The following ARB2A variants were observed in gnomAD, a reference collection of about 807,000 sequenced individuals.
ARB2A encodes cotranscriptional regulator ARB2A.
chr5:94,094,993 G>A, the ARB2A span, among the ~76,000 whole-genome samples: 1 of 152,290 alleles, frequency 6.6e-6, no homozygotes, highest in African/African-American at 2.4e-5. Context: ...TCATGATCAC[G>A]TCATTCTCCT....
At chr5:93,679,416 T>C in the ARB2A span, among the ~76,000 whole-genome samples, 19 of 152,262 alleles carry the variant, frequency 1.2e-4, 1 homozygote, top group South Asian at 3.9e-3. Context: ...CTTCGATTTT[T>C]CACTTGGCCA....
At chr5:93,777,094 G>GT in the ARB2A span, among the ~76,000 whole-genome samples, 1 of 146,870 alleles carries the variant, frequency 6.8e-6, no homozygotes, top group South Asian at 2.2e-4. Context: ...AATGAAGGCT[G>GT]TATCAAAATA....
At chr5:93,829,560 G>C in the ARB2A span, among the ~76,000 whole-genome samples, 1 of 152,102 alleles carries the variant, frequency 6.6e-6, no homozygotes, top group Admixed American at 6.5e-5. Context: ...AATTCTTGAG[G>C]CCAAGAACTA....
chr5:93,750,033 T>C, the ARB2A span, among the ~76,000 whole-genome samples: 1 of 152,130 alleles, frequency 6.6e-6, no homozygotes, highest in Non-Finnish European at 1.5e-5. Context: ...GTGAGCTCTT[T>C]GAGGGCAGAA....
chr5:93,734,589 A>G, the ARB2A span: 2 of 152,328 alleles, frequency 1.3e-5, no homozygotes, highest in East Asian at 3.9e-4. Context: ...CAAGATAACC[A>G]AAATGTTTGA....
the ARB2A span, among the ~76,000 whole-genome samples, chr5:94,081,651 C>A: frequency 7.2e-5 from 11 of 152,024 alleles, no homozygotes; most frequent in Non-Finnish European, 1.5e-5. Flanking sequence ...ACAGGTAAAT[C>A]CATAGAAATA....
At chr5:94,014,786 T>C in the ARB2A span, among the ~76,000 whole-genome samples, 1 of 149,010 alleles carries the variant, frequency 6.7e-6, no homozygotes, top group Non-Finnish European at 1.5e-5. Context: ...AACAGCAAAA[T>C]GGAACAATGA....
the ARB2A span, among the ~76,000 whole-genome samples, chr5:93,956,670 C>A: frequency 6.6e-6 from 1 of 150,878 alleles, no homozygotes; most frequent in Non-Finnish European, 1.5e-5. Context: ...CAGAGCTAGC[C>A]TAATTTAAAA....
chr5:93,763,774 C>T, the ARB2A span, among the ~76,000 whole-genome samples: 3 of 152,120 alleles, frequency 2.0e-5, no homozygotes, highest in African/African-American at 7.2e-5. Flanking sequence ...CACACCTATT[C>T]CAAAATTCAC....
the ARB2A span, among the ~76,000 whole-genome samples, chr5:93,814,816 T>C: frequency 2.0e-5 from 3 of 152,332 alleles, no homozygotes; most frequent in South Asian, 6.2e-4. Flanking sequence ...TAATATTCAG[T>C]CTTAACTCCA....
the ARB2A span, among the ~76,000 whole-genome samples, chr5:93,895,912 A>G: frequency 2.6e-5 from 4 of 151,952 alleles, no homozygotes; most frequent in African/African-American, 9.7e-5. Flanking sequence ...AAATTAACAA[A>G]ATAAAATAAC....
chr5:93,659,698 T>C, the ARB2A span, among the ~76,000 whole-genome samples: 6 of 152,132 alleles, frequency 3.9e-5, no homozygotes, highest in Non-Finnish European at 5.9e-5. Flanking sequence ...TAAACATTTA[T>C]TGAGTTCTTA....
At chr5:93,730,238 T>C in the ARB2A span, among the ~76,000 whole-genome samples, 1 of 152,164 alleles carries the variant, frequency 6.6e-6, no homozygotes, top group African/African-American at 2.4e-5. Context: ...AATTTATGGC[T>C]GCAGATTAAC....
chr5:93,990,930 T>C, the ARB2A span, among the ~76,000 whole-genome samples: 30 of 152,194 alleles, frequency 2.0e-4, no homozygotes, highest in African/African-American at 5.1e-4. Flanking sequence ...CCTTGCTACA[T>C]TGAGAAGAGT....
At chr5:93,792,237 T>C in the ARB2A span, among the ~76,000 whole-genome samples, 2 of 152,252 alleles carry the variant, frequency 1.3e-5, no homozygotes, top group Middle Eastern at 3.4e-3. Context: ...AGGCAAGATA[T>C]TATAAAACAC....
chr5:93,900,597 G>C, the ARB2A span, among the ~76,000 whole-genome samples: 1 of 143,390 alleles, frequency 7.0e-6, no homozygotes, highest in African/African-American at 2.6e-5. Context: ...CTGGGCGACA[G>C]AGTGAGACGC....
chr5:93,750,132 A>C, the ARB2A span, among the ~76,000 whole-genome samples: 1 of 152,220 alleles, frequency 6.6e-6, no homozygotes, highest in East Asian at 1.9e-4. Flanking sequence ...ATTCAAGAAT[A>C]AATATTTACA....
the ARB2A span, among the ~76,000 whole-genome samples, chr5:94,075,532 G>C: frequency 6.6e-6 from 1 of 152,090 alleles, no homozygotes; most frequent in African/African-American, 2.4e-5. Flanking sequence ...AGGAAAAAAA[G>C]TGTATCTCCT....
At chr5:94,017,721 T>C in the ARB2A span, among the ~76,000 whole-genome samples, 1 of 152,190 alleles carries the variant, frequency 6.6e-6, no homozygotes, top group Non-Finnish European at 1.5e-5. Context: ...TTAGAAGCTG[T>C]AGTGCTGATA....
Sources: gnomAD v4.1 joint callset for allele counts (sites outside exome capture counted in the v4.1 genomes callset) on GRCh38, gnomAD v4.1.1 for gene constraint, MANE v1.5 for transcripts, NCBI Gene and HGNC (gene_info 2026-07-23, HGNC 2026-07-21) for gene names.